HS6ST3: variants seen among roughly 807,000 people sequenced by gnomAD.
HS6ST3 encodes the protein heparan sulfate 6-O-sulfotransferase 3, also known as heparan-sulfate 6-O-sulfotransferase 3.
Under a neutral mutation model 36.7 loss-of-function variants are expected in HS6ST3, and 12 were observed. That is an observed-to-expected ratio of 0.33 (90% CI 0.21 to 0.53). The LOEUF is 0.53. HS6ST3 is among the 20% of genes least tolerant of loss of function. The probability of loss-of-function intolerance (pLI) is 0.95; values close to 1 mark genes in which losing one functional copy is unlikely to be tolerated. For synonymous variants in HS6ST3, 240 were observed against 257.5 expected, an observed-to-expected ratio of 0.93 and a Z score of 0.65; for missense variants, 584 against 640.9, an observed-to-expected ratio of 0.91 and a Z score of 0.96.
intron 1 of HS6ST3, among the ~76,000 whole-genome samples, chr13:96,241,639 T>C (rs909155201): frequency 6.6e-6 from 1 of 151,690 alleles, no homozygotes; most frequent in African/African-American, 2.4e-5. Context: ...CTTTTTTTTT[T>C]TTTTGCAGAG....
At chr13:96,417,610 G>GTGTGTA (rs1375892842) in intron 1 of HS6ST3, among the ~76,000 whole-genome samples, 1 of 150,462 alleles carries the variant, frequency 6.6e-6, no homozygotes, top group Non-Finnish European at 1.5e-5. Context: ...GTGTGTGTGT[G>GTGTGTA]TGTGTGTGTG....
chr13:96,423,747 A>G (rs1053567334), intron 1 of HS6ST3, among the ~76,000 whole-genome samples: 1 of 151,976 alleles, frequency 6.6e-6, no homozygotes, highest in Admixed American at 6.6e-5. Context: ...TCTCCCTGTG[A>G]TGGTACACTT....
In HS6ST3 at chr13:96,834,860, T is replaced by C. The variant is rs1878887588; in HGVS notation, c.*1662T>C. ...AGGGAAGTCCAGCAGCTCCACCAGA[T>C]AGAGATCTGGAGATGCTTCTCTCAC... On this transcript the variant is annotated 3_prime_UTR_variant, in exon 2 of 2. Transcript: ENST00000376705. 1 of 152,526 alleles carries C rather than the reference T, an allele frequency of 6.6e-6. No individual in the cohort carries two copies. The highest frequency in any genetic ancestry group is 1.5e-5 in the Non-Finnish European group (1 of 68,022). 9.4% of individuals were successfully genotyped at this position (152,526 alleles called of 1,614,324 possible).
intron 1 of HS6ST3, among the ~76,000 whole-genome samples, chr13:96,744,621 G>A (rs1285366033): frequency 6.6e-6 from 1 of 152,074 alleles, no homozygotes; most frequent in African/African-American, 2.4e-5. Flanking sequence ...CTTCAGTTCT[G>A]AGAAGCCTTC....
At chr13:96,288,229 G>A (rs1237020034) in intron 1 of HS6ST3, among the ~76,000 whole-genome samples, 1 of 151,930 alleles carries the variant, frequency 6.6e-6, no homozygotes, top group Non-Finnish European at 1.5e-5. Flanking sequence ...TATATTGTTG[G>A]CTTTTCCATT....
intron 1 of HS6ST3, among the ~76,000 whole-genome samples, chr13:96,690,028 G>A (rs1328480445): frequency 6.6e-6 from 1 of 152,068 alleles, no homozygotes; most frequent in East Asian, 1.9e-4. Context: ...TCTGATAGAT[G>A]CTGGAACAGA....
At chr13:96,357,972 C>A (rs1380561072) in intron 1 of HS6ST3, among the ~76,000 whole-genome samples, 1 of 152,008 alleles carries the variant, frequency 6.6e-6, no homozygotes, top group Non-Finnish European at 1.5e-5. Context: ...GACACAGAGA[C>A]ACAAAGTGAG....
At chr13:96,131,905 A>T (rs991206757) in intron 1 of HS6ST3, among the ~76,000 whole-genome samples, 55 of 145,462 alleles carry the variant, frequency 3.8e-4, no homozygotes, top group Admixed American at 1.8e-3. Flanking sequence ...TGGAAAAGAT[A>T]AAAAAAAAGG....
chr13:96,695,015 C>T (rs1297283919), intron 1 of HS6ST3, among the ~76,000 whole-genome samples: 4 of 152,156 alleles, frequency 2.6e-5, no homozygotes, highest in Non-Finnish European at 5.9e-5. Context: ...GCTAGCATAT[C>T]AGCTAAGTGT....
chr13:96,611,160 G>A (rs1197453969), intron 1 of HS6ST3, among the ~76,000 whole-genome samples: 1 of 140,936 alleles, frequency 7.1e-6, no homozygotes, highest in Non-Finnish European at 1.6e-5. Flanking sequence ...TATACTTTAA[G>A]TTTTAGGGTA....
chr13:96,710,479 C>T (rs1875534172), intron 1 of HS6ST3, among the ~76,000 whole-genome samples: 1 of 152,266 alleles, frequency 6.6e-6, no homozygotes, highest in Admixed American at 6.5e-5. Context: ...AAGCCTTGGC[C>T]TTTCTCAGGT....
intron 1 of HS6ST3, among the ~76,000 whole-genome samples, chr13:96,288,202 T>C (rs1316870307): frequency 6.6e-6 from 1 of 152,218 alleles, no homozygotes; most frequent in African/African-American, 2.4e-5. Context: ...TCTCTGAACC[T>C]GATCTGAAAA....
chr13:96,554,106 A>G (rs954697588), intron 1 of HS6ST3, among the ~76,000 whole-genome samples: 1 of 152,210 alleles, frequency 6.6e-6, no homozygotes. Flanking sequence ...GGCAATTAGA[A>G]TGTGGTGCCA....
chr13:96,547,436 T>G (rs1056303936), intron 1 of HS6ST3, among the ~76,000 whole-genome samples: 1 of 152,190 alleles, frequency 6.6e-6, no homozygotes, highest in African/African-American at 2.4e-5. Flanking sequence ...ATCAATAATA[T>G]CTTTCATTAG....
At chr13:96,346,619 G>A (rs2055156988) in intron 1 of HS6ST3, among the ~76,000 whole-genome samples, 1 of 151,970 alleles carries the variant, frequency 6.6e-6, no homozygotes, top group Non-Finnish European at 1.5e-5. Context: ...CAGAAAAACA[G>A]GTATATAATC....
intron 1 of HS6ST3, among the ~76,000 whole-genome samples, chr13:96,614,191 G>C (rs9516726): frequency 6.6e-6 from 1 of 150,856 alleles, no homozygotes; most frequent in Non-Finnish European, 1.5e-5. Flanking sequence ...CCAGCTACTC[G>C]GGAGGCTGAG....
intron 1 of HS6ST3, among the ~76,000 whole-genome samples, chr13:96,396,378 A>C (rs570581322): frequency 6.6e-6 from 1 of 152,176 alleles, no homozygotes; most frequent in East Asian, 1.9e-4. Flanking sequence ...TAGGATATCT[A>C]GTATAATTAA....
chr13:96,556,936 C>G (rs1254119996), intron 1 of HS6ST3, among the ~76,000 whole-genome samples: 1 of 152,168 alleles, frequency 6.6e-6, no homozygotes, highest in African/African-American at 2.4e-5. Context: ...TCAGCAGCAG[C>G]AGCTACAGCA....
intron 1 of HS6ST3, among the ~76,000 whole-genome samples, chr13:96,189,237 G>A (rs2139344555): frequency 6.6e-6 from 1 of 152,140 alleles, no homozygotes; most frequent in South Asian, 2.1e-4. Context: ...CTTGTGAACT[G>A]TAGTCTTAAA....
Sources: allele counts gnomAD v4.1 joint callset (sites outside exome capture counted in the v4.1 genomes callset), GRCh38; gene constraint gnomAD v4.1.1; transcripts MANE v1.5; gene names NCBI Gene and HGNC (gene_info 2026-07-23, HGNC 2026-07-21).